Variants in DCC observed in about 807,000 individuals in gnomAD.
The protein encoded by DCC is netrin receptor DCC.
A neutral mutation model predicts 172.5 loss-of-function variants in DCC; 58 were observed. The ratio of observed to expected loss-of-function variants is 0.34; its 90% confidence interval spans 0.27 to 0.42. The LOEUF is 0.42. DCC is among the 10% of genes least tolerant of loss of function. The pLI, the probability that DCC is intolerant of heterozygous loss-of-function variation, is 1.00. For missense variants in DCC, 1,740 were observed against 1,791.0 expected (o/e 0.97, Z 0.51); for synonymous variants, 709 against 644.5 (o/e 1.10, Z -1.52).
At chr18:52,776,439 C>G (rs979734684) in intron 2 of DCC, among the ~76,000 whole-genome samples, 1 of 151,954 alleles carries the variant, frequency 6.6e-6, no homozygotes, top group African/African-American at 2.4e-5. Context: ...TCTATAAGAT[C>G]TGTTCTATTT....
Position 52,340,716 on chromosome 18 carries a change from G to T in DCC, c.-72G>T. On this transcript the variant is annotated 5_prime_UTR_variant, in exon 1 of 29. It removes an upstream start codon present in the reference 5' UTR. Transcript: ENST00000442544. ...GGCGCGTGTGTGTGCATGTGTGCAT[G>T]CGTGTGTGAGTGCATGTGTGTGAGT... is the stretch of plus-strand genomic sequence containing the variant. 9.6e-7 allele frequency: 1 copy of T among 1,043,470 alleles called. No individual in the cohort carries two copies. Among genetic ancestry groups the T allele is most frequent in the Non-Finnish European group, 1.5e-6 (1 of 659,762 alleles). The allele number at this position is 1,043,470 out of a possible 1,614,324, so 64.6% of individuals were successfully genotyped here. A position where few individuals can be genotyped will look rare whatever the true frequency, so the allele number is the denominator to read the frequency against.
intron 1 of DCC, among the ~76,000 whole-genome samples, chr18:52,738,913 A>G (rs2036771759): frequency 1.3e-5 from 2 of 151,794 alleles, no homozygotes; most frequent in African/African-American, 4.8e-5. Flanking sequence ...AAAAAAAAAA[A>G]AAAAAGAATG....
intron 15 of DCC, among the ~76,000 whole-genome samples, chr18:53,364,136 A>T (rs905606288): frequency 2.0e-5 from 3 of 152,124 alleles, no homozygotes; most frequent in African/African-American, 7.2e-5. Flanking sequence ...AGAGCCGTAC[A>T]CTTGGAATAA....
At chr18:52,891,688 G>A (rs1455786437) in intron 2 of DCC, among the ~76,000 whole-genome samples, 3 of 151,986 alleles carry the variant, frequency 2.0e-5, no homozygotes, top group African/African-American at 7.3e-5. Flanking sequence ...ATTTTACTTG[G>A]AAACTGAGGT....
rs951384363 is a variant in DCC at position 53,339,737 on chromosome 18, G to A, written c.2189G>A (p.Ser730Asn). The A allele has an allele frequency of 6.2e-7, 1 of 1,613,868 alleles. No individual in the cohort carries two copies. Among genetic ancestry groups the A allele is most frequent in the African/African-American group, 1.3e-5 (1 of 74,964 alleles). ...LDESQVPDQPSSLHVRPQTNC... is the reference protein window; with the variant it reads ...LDESQVPDQPNSLHVRPQTNC... ...GAATCTCAAGTTCCTGATCAACCAAGCTCTCTTCATGTGAGGCCCCAGACT... is the reference window on the plus strand; with the variant it reads ...GAATCTCAAGTTCCTGATCAACCAAACTCTCTTCATGTGAGGCCCCAGACT... Residue 730 changes from serine to asparagine, a missense_variant, in exon 15 of 29, where the codon AGC becomes AAC. By Grantham distance (46) the Ser-to-Asn change is conservative. Transcript: ENST00000442544.
In DCC at chr18:52,709,760, C is replaced by T. The variant is rs749606421; in HGVS notation, c.92-42294C>T. ...ATAAAATGAATTTAAAAATGGACTTCGAAACCATTAGAAAAATGGGGAAAT... is the reference window on the plus strand; with the variant it reads ...ATAAAATGAATTTAAAAATGGACTTTGAAACCATTAGAAAAATGGGGAAAT... On this transcript the variant is annotated intron_variant, in intron 1 of 28. Transcript: ENST00000442544. Among the ~76,000 whole-genome samples the T allele has an allele frequency of 9.9e-5, 15 of 152,118 alleles. No individual in the cohort carries two copies. In the East Asian group the frequency reaches 1.2e-3, roughly 12 times the overall value.
At chr18:53,182,688 T>C (rs2055214985) in intron 9 of DCC, among the ~76,000 whole-genome samples, 1 of 152,212 alleles carries the variant, frequency 6.6e-6, no homozygotes, top group Non-Finnish European at 1.5e-5. Context: ...TTTGAAAGTA[T>C]TTCTAGGATA....
intron 7 of DCC, among the ~76,000 whole-genome samples, chr18:53,138,425 A>C (rs2144341291): frequency 6.6e-6 from 1 of 152,342 alleles, no homozygotes; most frequent in South Asian, 2.1e-4. Flanking sequence ...TCAAAAACAT[A>C]ATATAAAATA....
chr18:53,410,715 G>A (rs1043356447), intron 20 of DCC, 69 bp downstream of exon 20: 1 of 965,092 alleles, frequency 1.0e-6, no homozygotes, highest in East Asian at 2.4e-5. Flanking sequence ...TGCACTCTGT[G>A]TTAGAAATGG....
intron 5 of DCC, among the ~76,000 whole-genome samples, chr18:52,969,037 G>A (rs1437352275): frequency 6.6e-6 from 1 of 151,922 alleles, no homozygotes; most frequent in Non-Finnish European, 1.5e-5. Flanking sequence ...CGGTTCTCCT[G>A]GTCTCACTTT....
At chr18:52,927,534 A>G (rs1438011467) in intron 5 of DCC, among the ~76,000 whole-genome samples, 1 of 152,008 alleles carries the variant, frequency 6.6e-6, no homozygotes, top group African/African-American at 2.4e-5. Context: ...TGGTAGTGGT[A>G]TGACACTTGG....
At chr18:52,774,876 CACTTT>C (rs1340886139) in intron 2 of DCC, among the ~76,000 whole-genome samples, 6 of 152,228 alleles carry the variant, frequency 3.9e-5, no homozygotes, top group African/African-American at 1.4e-4. Flanking sequence ...GCCAAATCCT[CACTTT>C]ACTTAGTAAC....
chr18:53,054,085 T>TA (rs1323439049), intron 5 of DCC, among the ~76,000 whole-genome samples: 1 of 152,116 alleles, frequency 6.6e-6, no homozygotes, highest in Non-Finnish European at 1.5e-5. Context: ...TGTTGTAATA[T>TA]TTGCATATAA....
At chr18:53,171,513 G>C (rs2055013143) in intron 8 of DCC, among the ~76,000 whole-genome samples, 1 of 152,082 alleles carries the variant, frequency 6.6e-6, no homozygotes, top group Admixed American at 6.6e-5. Flanking sequence ...CAATGAATAT[G>C]TTTATACATA....
chr18:52,999,200 A>AT (rs750451167), intron 5 of DCC, among the ~76,000 whole-genome samples: 3,258 of 150,000 alleles, frequency 0.022, 59 homozygotes, highest in Admixed American at 0.039. Flanking sequence ...GGGCAACAAC[A>AT]TTTTTTTTTT....
intron 2 of DCC, among the ~76,000 whole-genome samples, chr18:52,776,227 C>A (rs1363943549): frequency 6.6e-6 from 1 of 152,052 alleles, no homozygotes; most frequent in African/African-American, 2.4e-5. Flanking sequence ...AATACTAGTA[C>A]TCTTAGAGGA....
rs35779527 is a variant in DCC at position 53,385,021 on chromosome 18, C to CTT, written c.2360-1006_2360-1005dup. ...GCCACAGTGCCCGGCTAATTTTTTTCTTTTTTTTTTTTTTTTTGTATTTTT... is the reference window on the plus strand; with the variant it reads ...GCCACAGTGCCCGGCTAATTTTTTTCTTTTTTTTTTTTTTTTTTTGTATTTTT... On this transcript the variant is annotated intron_variant, in intron 15 of 28. Coordinates refer to ENST00000442544, the MANE Select transcript of DCC (RefSeq NM_005215.4). Among the ~76,000 whole-genome samples, 136 of 131,048 alleles carry CTT rather than the reference C, an allele frequency of 1.0e-3. 1 individual carries two copies. The highest frequency in any genetic ancestry group is 3.5e-3 in the African/African-American group (119 of 34,444). The allele number at this position is 131,048 out of a possible 152,430, so 86.0% of individuals were successfully genotyped here. A position where few individuals can be genotyped will look rare whatever the true frequency, so the allele number is the denominator to read the frequency against.
At chr18:52,415,985 T>C (rs968070245) in intron 1 of DCC, among the ~76,000 whole-genome samples, 4 of 152,126 alleles carry the variant, frequency 2.6e-5, no homozygotes, top group Admixed American at 2.6e-4. Flanking sequence ...TTTTGGATCT[T>C]TCCTGCTTTC....
At chr18:53,447,883 C>G (rs781732370) in intron 22 of DCC, among the ~76,000 whole-genome samples, 1 of 152,018 alleles carries the variant, frequency 6.6e-6, no homozygotes, top group East Asian at 1.9e-4. Flanking sequence ...AAAATTACTT[C>G]AAGGAAATCC....
Sources: allele counts gnomAD v4.1 joint callset (sites outside exome capture counted in the v4.1 genomes callset), GRCh38; gene constraint gnomAD v4.1.1; transcripts MANE v1.5; gene names NCBI Gene and HGNC (gene_info 2026-07-23, HGNC 2026-07-21).